The following ADAMTS19 variants were observed in gnomAD, a reference collection of about 807,000 sequenced individuals.
ADAMTS19 encodes the protein A disintegrin and metalloproteinase with thrombospondin motifs 19.
A neutral mutation model predicts 153.3 loss-of-function variants in ADAMTS19; 93 were observed. The ratio of observed to expected loss-of-function variants is 0.61; its 90% CI spans 0.51 to 0.72. ADAMTS19 has a LOEUF of 0.72. ADAMTS19 is among the 30% of genes least tolerant of loss of function. ADAMTS19 has a pLI of 0.00. For missense variants in ADAMTS19, 1,482 were observed against 1,552.1 expected (o/e 0.95, Z 0.76); for synonymous variants, 600 against 556.6 (o/e 1.08, Z -1.10).
In ADAMTS19 at chr5:129,681,100, T is replaced by C. The variant is rs117219566; in HGVS notation, c.2664+1179T>C. On this transcript the variant is annotated intron_variant, in intron 17 of 22. Coordinates refer to ENST00000274487, the MANE Select transcript of ADAMTS19 (RefSeq NM_133638.6). ...ATATCTCCACATGATTTAAGATAAA[T>C]TTGTCTTCAATTGGAGACATGTGTG... 4.2e-4 allele frequency among the ~76,000 whole-genome samples: 64 copies of C among 152,346 alleles called. 1 individual carries two copies. The East Asian group carries it at 0.012, about 28-fold the overall frequency.
At chr5:129,543,170 C>G (rs751524716) in intron 6 of ADAMTS19, among the ~76,000 whole-genome samples, 3 of 151,864 alleles carry the variant, frequency 2.0e-5, no homozygotes, top group Non-Finnish European at 4.4e-5. Context: ...CTGCCTTAGC[C>G]TCTTCAGTAG....
At chr5:129,472,918 C>A (rs563726489) in intron 2 of ADAMTS19, among the ~76,000 whole-genome samples, 159 of 151,438 alleles carry the variant, frequency 1.0e-3, no homozygotes, top group African/African-American at 3.8e-3. Flanking sequence ...AGTTCAGATG[C>A]GGATAAAGGA....
chr5:129,546,097 G>A (rs1326147937), intron 6 of ADAMTS19, among the ~76,000 whole-genome samples: 2 of 148,738 alleles, frequency 1.3e-5, no homozygotes, highest in East Asian at 1.9e-4. Context: ...GGACATGGAT[G>A]AAATTGGAAA....
chr5:129,578,104 ATATGCATGTATATGTACG>A (rs1561580938), intron 7 of ADAMTS19, among the ~76,000 whole-genome samples: 7 of 131,732 alleles, frequency 5.3e-5, no homozygotes, highest in African/African-American at 1.9e-4. Context: ...ATACATATAC[ATATGCATGTATATGTACG>A]TATACGTACA....
intron 19 of ADAMTS19, among the ~76,000 whole-genome samples, chr5:129,698,777 G>A (rs1042474571): frequency 2.0e-5 from 3 of 152,130 alleles, no homozygotes; most frequent in Admixed American, 6.5e-5. Flanking sequence ...CTTAGATTGG[G>A]ATTATTTTTT....
At chr5:129,547,047 C>G (rs986615443) in intron 6 of ADAMTS19, among the ~76,000 whole-genome samples, 5 of 150,866 alleles carry the variant, frequency 3.3e-5, no homozygotes, top group African/African-American at 1.2e-4. Flanking sequence ...TGTTTATGCT[C>G]TAATTTCCAG....
intron 8 of ADAMTS19, among the ~76,000 whole-genome samples, chr5:129,614,790 T>C (rs1020515323): frequency 5.9e-5 from 9 of 152,236 alleles, no homozygotes; most frequent in South Asian, 2.1e-4. Flanking sequence ...GAAAACCCCA[T>C]TGTCTCAGCC....
rs142689140 is a variant in ADAMTS19, at chr5:129,665,792, G to A, written c.2506+213G>A. On this transcript the variant is annotated intron_variant, in intron 16 of 22. Transcript: ENST00000274487. ...ATCTGGTTGTCTGTATGTTTTTGAG[G>A]GGTAAAAATTGCTTCCACATGTTAG... 1.7e-3 allele frequency among the ~76,000 whole-genome samples: 254 copies of A among 151,150 alleles called. 1 individual carries two copies. Among genetic ancestry groups the A allele is most frequent in the African/African-American group, 5.9e-3 (245 of 41,180 alleles).
intron 11 of ADAMTS19, among the ~76,000 whole-genome samples, chr5:129,646,373 CTAAT>C (rs756593274): frequency 5.9e-5 from 9 of 151,988 alleles, no homozygotes; most frequent in South Asian, 2.1e-4. Flanking sequence ...TCTACAGAGA[CTAAT>C]TATTTTATGG....
At chr5:129,524,692 G>A (rs1034409925) in intron 3 of ADAMTS19, among the ~76,000 whole-genome samples, 3 of 151,042 alleles carry the variant, frequency 2.0e-5, no homozygotes, top group Non-Finnish European at 4.4e-5. Context: ...CCAGTGAAGT[G>A]GCACAGCACA....
intron 3 of ADAMTS19, among the ~76,000 whole-genome samples, chr5:129,513,608 G>A (rs1365576708): frequency 6.6e-6 from 1 of 151,946 alleles, no homozygotes; most frequent in Non-Finnish European, 1.5e-5. Flanking sequence ...AATCCTTTGA[G>A]GTAGATAGTA....
chr5:129,549,015 G>A (rs948611467), intron 6 of ADAMTS19, among the ~76,000 whole-genome samples: 3 of 112,388 alleles, frequency 2.7e-5, no homozygotes, highest in African/African-American at 6.9e-5. Context: ...ATCACACTCC[G>A]AGTACTGTTG....
intron 6 of ADAMTS19, 27 bp downstream of exon 6, chr5:129,528,704 G>T (rs59557937): frequency 6.4e-7 from 1 of 1,563,678 alleles, no homozygotes; most frequent in Non-Finnish European, 8.7e-7. Context: ...CAATTAAATG[G>T]CATTCCTAAT....
At chr5:129,460,572 G>GC (rs2112859732) in intron 1 of ADAMTS19, 90 bp downstream of exon 1, 1 of 1,438,974 alleles carries the variant, frequency 6.9e-7, no homozygotes, top group African/African-American at 1.4e-5. Context: ...TGCAACCGGT[G>GC]CGTGGAGAGC....
chr5:129,611,526 C>A (rs987812272), intron 8 of ADAMTS19, among the ~76,000 whole-genome samples: 35 of 152,106 alleles, frequency 2.3e-4, no homozygotes, highest in Admixed American at 1.7e-3. Context: ...GTTTTCCCAG[C>A]ACCATTTATT....
At chr5:129,500,814 T>C (rs1751076812) in intron 2 of ADAMTS19, among the ~76,000 whole-genome samples, 1 of 152,086 alleles carries the variant, frequency 6.6e-6, no homozygotes, top group African/African-American at 2.4e-5. Flanking sequence ...TAAGCATTTA[T>C]TGAATAAAGA....
chr5:129,514,956 G>T (rs1241917040), intron 3 of ADAMTS19, among the ~76,000 whole-genome samples: 1 of 152,002 alleles, frequency 6.6e-6, no homozygotes, highest in African/African-American at 2.4e-5. Flanking sequence ...ATTTTGATTT[G>T]ATTTTTGTAT....
chr5:129,533,890 T>A (rs1187126258), intron 6 of ADAMTS19, among the ~76,000 whole-genome samples: 1 of 152,160 alleles, frequency 6.6e-6, no homozygotes. Flanking sequence ...TCAGTTTCCA[T>A]GTAGTTGAGC....
At chr5:129,534,285 T>G (rs573426026) in intron 6 of ADAMTS19, among the ~76,000 whole-genome samples, 188 of 152,116 alleles carry the variant, frequency 1.2e-3, no homozygotes, top group Non-Finnish European at 2.0e-3. Context: ...GCTCCTGTAT[T>G]GGGTAAACAC....
Sources: allele counts gnomAD v4.1 joint callset (sites outside exome capture counted in the v4.1 genomes callset), GRCh38; gene constraint gnomAD v4.1.1; transcripts MANE v1.5; gene names NCBI Gene and HGNC (gene_info 2026-07-23, HGNC 2026-07-21).